The following KIF3C variants were observed in gnomAD, a reference collection of about 807,000 sequenced individuals.
The protein encoded by KIF3C is kinesin family member 3C.
In KIF3C, 12 loss-of-function variants were observed where a neutral mutation model predicts 67.7. That is an observed-to-expected ratio of 0.18 (90% CI 0.11 to 0.29). KIF3C has a LOEUF of 0.29. Ranked by LOEUF, KIF3C falls within the 10% of genes least tolerant of loss-of-function variation. KIF3C has a pLI of 1.00. For synonymous variants in KIF3C, 393 were observed against 426.2 expected (o/e 0.92, Z 0.96); for missense variants, 789 against 1,059.6 (o/e 0.74, Z 3.55).
rs1417864146 is a variant in KIF3C at position 25,980,483 on chromosome 2, G to A, written c.1435C>T (p.Arg479Cys). ...TGCTTCTCCTCGCTCACCAGGCTGC[G>A]GTCATCCTGGATGGCTGCCTTCTCC... ...EEEKAAIQDD[R>C]SLVSEEKQKL... is the part of the protein sequence containing the mutation. Residue 479 changes from arginine to cysteine, a missense_variant, in exon 1 of 8, where the codon CGC becomes TGC. Around this residue, in one of 2 missense-constraint regions of KIF3C, gnomAD observed 648 missense variants for 807.8 expected, o/e 0.80. Transcript: ENST00000264712. The surrounding 1 kb of genome is among the most constrained non-coding windows in gnomAD (Gnocchi z 7.6). 17 of 1,613,906 alleles carry A rather than the reference G, an allele frequency of 1.1e-5. No individual in the cohort carries two copies. The highest frequency in any genetic ancestry group is 1.3e-5 in the African/African-American group (1 of 74,882).
In KIF3C at chr2:25,975,419, C is replaced by T. The variant is rs895685194; in HGVS notation, c.1545+4954G>A. Among the ~76,000 whole-genome samples the T allele has an allele frequency of 4.6e-5, 7 of 152,156 alleles. No individual in the cohort carries two copies. In the East Asian group the frequency reaches 1.3e-3, roughly 29 times the overall value. ...TCAAGGAATCCACCCACCTTGGCTTCCCAAATTGCTGGGATTACAGGTGTG... is the reference window on the plus strand; with the variant it reads ...TCAAGGAATCCACCCACCTTGGCTTTCCAAATTGCTGGGATTACAGGTGTG... On this transcript the variant is annotated intron_variant, in intron 1 of 7. Transcript: ENST00000264712.
chr2:25,956,212 G>T, intron 2 of KIF3C, 131 bp downstream of exon 2: 1 of 707,564 alleles, frequency 1.4e-6, no homozygotes. Context: ...GGGACCCAGG[G>T]TGGCATGTCT....
chr2:25,936,805 G>A (rs1268114935), intron 5 of KIF3C, among the ~76,000 whole-genome samples: 1 of 152,138 alleles, frequency 6.6e-6, no homozygotes, highest in Non-Finnish European at 1.5e-5. Context: ...TTTGGTGAGT[G>A]TGATGGATTA....
intron 5 of KIF3C, among the ~76,000 whole-genome samples, chr2:25,945,398 C>CAAGGATTTACAAGG (rs1170393964): frequency 6.6e-6 from 1 of 151,190 alleles, no homozygotes; most frequent in Non-Finnish European, 1.5e-5. Context: ...CTGGGTAGTC[C>CAAGGATTTACAAGG]CTTTACAAAG....
At chr2:25,956,757 G>T (rs1470042817) in intron 1 of KIF3C, among the ~76,000 whole-genome samples, 1 of 152,148 alleles carries the variant, frequency 6.6e-6, no homozygotes, top group Non-Finnish European at 1.5e-5. Flanking sequence ...GGAGGATGGG[G>T]GTGGCAACCT....
chr2:25,954,106 A>G, intron 4 of KIF3C, 161 bp downstream of exon 4: 1 of 666,020 alleles, frequency 1.5e-6, no homozygotes, highest in Non-Finnish European at 2.7e-6. Flanking sequence ...GAGGTAGAAG[A>G]AACTCCAGCA....
intron 1 of KIF3C, among the ~76,000 whole-genome samples, chr2:25,976,846 A>G (rs1223992054): frequency 3.3e-5 from 5 of 152,222 alleles, no homozygotes; most frequent in Non-Finnish European, 4.4e-5. Context: ...CCTTCTCCCA[A>G]CCAATCTACG....
rs1262970652 is a variant in KIF3C at position 25,958,489 on chromosome 2, G to A, written c.1546-2045C>T. 6.6e-6 allele frequency among the ~76,000 whole-genome samples: 1 copy of A among 152,162 alleles called. No individual in the cohort carries two copies. The highest frequency in any genetic ancestry group is 1.5e-5 in the Non-Finnish European group (1 of 68,020). ...CTAGATACTCAGGAGGCTGAGGCAGGAGAATCGGTTGAACTAGGGAGGCAG... is the reference window on the plus strand; with the variant it reads ...CTAGATACTCAGGAGGCTGAGGCAGAAGAATCGGTTGAACTAGGGAGGCAG... On this transcript the variant is annotated intron_variant, in intron 1 of 7. Coordinates refer to ENST00000264712, the MANE Select transcript of KIF3C (RefSeq NM_002254.8). The surrounding 1 kb of genome is among the most constrained non-coding windows in gnomAD (Gnocchi z 4.5).
intron 5 of KIF3C, among the ~76,000 whole-genome samples, chr2:25,945,654 G>C (rs1663413432): frequency 6.6e-6 from 1 of 151,502 alleles, no homozygotes; most frequent in African/African-American, 2.4e-5. Flanking sequence ...TTGGGAAGCT[G>C]AGGTGGGAGG....
intron 1 of KIF3C, among the ~76,000 whole-genome samples, chr2:25,959,096 C>T (rs1419674387): frequency 6.6e-6 from 1 of 151,960 alleles, no homozygotes; most frequent in Non-Finnish European, 1.5e-5. Flanking sequence ...AAAAGAATTC[C>T]AGCTCCCTCA....
chr2:25,950,957 C>T (rs746395281), intron 5 of KIF3C, among the ~76,000 whole-genome samples: 1 of 151,710 alleles, frequency 6.6e-6, no homozygotes, highest in Non-Finnish European at 1.5e-5. Context: ...ACCAAGTAGG[C>T]ATCTGATGCT....
chr2:25,929,218 C>CTTT, intron 7 of KIF3C, 87 bp downstream of exon 7: 1 of 1,499,326 alleles, frequency 6.7e-7, no homozygotes, highest in Non-Finnish European at 9.2e-7. Flanking sequence ...CTTCGGGTAC[C>CTTT]AGCAAAACCC....
chr2:25,953,432 C>T (rs532844542), intron 4 of KIF3C, among the ~76,000 whole-genome samples: 54 of 151,358 alleles, frequency 3.6e-4, no homozygotes, highest in African/African-American at 1.2e-3. Context: ...TCCATCTCAG[C>T]TCACTGCAAG....
intron 5 of KIF3C, chr2:25,938,336 C>T (rs765250900): frequency 6.1e-5 from 25 of 410,234 alleles, no homozygotes; most frequent in African/African-American, 4.9e-4. Flanking sequence ...TCAGCCTGGG[C>T]GACAGAGTGA....
At chr2:25,962,943 T>G in intron 1 of KIF3C, among the ~76,000 whole-genome samples, 1 of 41,094 alleles carries the variant, frequency 2.4e-5, no homozygotes, top group South Asian at 6.5e-4. Context: ...ATATAATATA[T>G]AATATATAAT....
chr2:25,964,061 A>T (rs1194371080), intron 1 of KIF3C, among the ~76,000 whole-genome samples: 2 of 152,124 alleles, frequency 1.3e-5, no homozygotes, highest in Non-Finnish European at 2.9e-5. Flanking sequence ...TAATCCCAAC[A>T]CTTTCGGAGA....
In KIF3C at chr2:25,954,320, C is replaced by T. The variant is rs1334362772; in HGVS notation, c.1836G>A (p.Val612=). Residue 612 remains valine, a synonymous_variant, in exon 4 of 8, where the codon GTG becomes GTA. Coordinates refer to ENST00000264712, the MANE Select transcript of KIF3C (RefSeq NM_002254.8). ...IQDQHDEYIR[V]RQDLEEAQNE... is the part of the protein sequence containing the mutation. ...TCTGCGCCTCCTCCAGGTCCTGCCG[C>T]ACGCGGATATACTCATCATGCTGGT... 7 of 1,614,010 alleles carry T rather than the reference C, an allele frequency of 4.3e-6. No individual in the cohort carries two copies. The highest frequency in any genetic ancestry group is 1.3e-5 in the African/African-American group (1 of 74,922).
At chr2:25,939,819 G>C (rs749884381) in intron 5 of KIF3C, among the ~76,000 whole-genome samples, 3 of 151,884 alleles carry the variant, frequency 2.0e-5, no homozygotes, top group Non-Finnish European at 2.9e-5. Flanking sequence ...GCATGGTGGT[G>C]CACCCCTATA....
At chr2:25,976,056 A>C (rs1050613149) in intron 1 of KIF3C, among the ~76,000 whole-genome samples, 4 of 152,206 alleles carry the variant, frequency 2.6e-5, no homozygotes, top group African/African-American at 9.7e-5. Context: ...GCACAAAGCA[A>C]GTGCTCAGTA....
Sources: gnomAD v4.1 joint callset for allele counts (sites outside exome capture counted in the v4.1 genomes callset) on GRCh38, gnomAD v4.1.1 for gene constraint, gnomAD v4.1.1 regional missense constraint, Gnocchi (gnomAD v3.1) non-coding constraint, MANE v1.5 for transcripts, NCBI Gene and HGNC (gene_info 2026-07-23, HGNC 2026-07-21) for gene names.